The following ADCY6 variants were observed in gnomAD, a reference collection of about 807,000 sequenced individuals.
ADCY6 encodes the protein adenylate cyclase 6, also known as adenylate cyclase type 6.
ADCY6 carries 59 observed loss-of-function variants against 111.6 expected under a neutral mutation model. The observed-to-expected ratio is 0.53, with a 90% CI of 0.43 to 0.66. The LOEUF (loss-of-function observed/expected upper bound fraction) is 0.66. Ranked by LOEUF, ADCY6 falls within the 30% of genes least tolerant of loss-of-function variation. The probability of loss-of-function intolerance (pLI) is 0.00; values close to 1 mark genes in which losing one functional copy is unlikely to be tolerated. For synonymous variants in ADCY6, 576 were observed against 642.9 expected (o/e 0.90, Z 1.57); for missense variants, 1,242 against 1,595.6 (o/e 0.78, Z 3.78).
chr12:48,779,998 C>G (rs1941801253), intron 2 of ADCY6, among the ~76,000 whole-genome samples: 1 of 152,140 alleles, frequency 6.6e-6, no homozygotes. Flanking sequence ...GGCTGAGCTC[C>G]CCCTCCCAGC....
chr12:48,777,572 C>T lies in ADCY6; in HGVS notation c.1136+43G>A, dbSNP rs190715081. 1.2e-6 allele frequency: 2 copies of T among 1,612,800 alleles called. No homozygotes were observed. Among genetic ancestry groups the T allele is most frequent in the East Asian group, 2.2e-5 (1 of 44,884 alleles). On this transcript the variant is annotated intron_variant, in intron 4 of 21. Transcript: ENST00000357869. The surrounding 1 kb of genome is among the most constrained non-coding windows in gnomAD (Gnocchi z 4.9). ...AGAACACATAGCCCTCAAAGACTTCCAGACCCCCCGCCCTGCTGGGCATCC... is the reference window on the plus strand; with the variant it reads ...AGAACACATAGCCCTCAAAGACTTCTAGACCCCCCGCCCTGCTGGGCATCC...
chr12:48,774,407 T>G lies in ADCY6; in HGVS notation c.2278A>C (p.Asn760His). The G allele has an allele frequency of 6.2e-7, 1 of 1,612,574 alleles. No individual in the cohort carries two copies. Among genetic ancestry groups the G allele is most frequent in the Non-Finnish European group, 8.5e-7 (1 of 1,178,736 alleles). The change falls in exon 14 of 22, where the codon AAC (asparagine) becomes CAC (histidine). Residue 760 changes from asparagine to histidine, a missense_variant. Physicochemically the swap from Asn to His is moderately conservative, Grantham distance 68. Around this residue, in one of 4 missense-constraint regions of ADCY6, gnomAD observed 375 missense variants for 432.5 expected, o/e 0.87. Coordinates refer to ENST00000357869, the MANE Select transcript of ADCY6 (RefSeq NM_015270.5). Reference sequence around the variant, plus strand: ...AATTCCCACTGGACCCTTACCATGTTGGCAATGGCAGAAGTAAACACAAGC... The same window carrying G: ...AATTCCCACTGGACCCTTACCATGTGGGCAATGGCAGAAGTAAACACAAGC... ...VLLVFTSAIA[N>H]MFTCNHTPIR...
rs1941655722 is a variant in ADCY6 at position 48,774,988 on chromosome 12, T to A, written c.2047A>T (p.Ile683Phe). 1 of 1,557,556 alleles carries A rather than the reference T, an allele frequency of 6.4e-7. No individual in the cohort carries two copies. Among genetic ancestry groups the A allele is most frequent in the Non-Finnish European group, 8.7e-7 (1 of 1,150,420 alleles). Residue 683 changes from isoleucine to phenylalanine, a missense_variant, in exon 12 of 22, where the codon ATC becomes TTC. Coordinates refer to ENST00000357869, the MANE Select transcript of ADCY6 (RefSeq NM_015270.5). ...AAGATGAGAAGCTGGATGAAGCAGA[T>A]GAAGCAGAAGACCAACAGGGCACAG... ...VACALLVFCF[I>F]CFIQLLIFPH...
rs761918018 is a variant in ADCY6 at position 48,771,994 on chromosome 12, A to T, written c.2788-21T>A. 8 of 1,590,990 alleles carry T rather than the reference A, an allele frequency of 5.0e-6. No homozygotes were observed. Among genetic ancestry groups the T allele is most frequent in the Non-Finnish European group, 8.6e-7 (1 of 1,167,704 alleles). ...GTTGCCTGTGGACACCACACCCATC[A>T]CCCATTGCCCGACATTCACAAGGGG... is the stretch of plus-strand genomic sequence containing the variant. On this transcript the variant is annotated intron_variant, in intron 18 of 21. Transcript: ENST00000357869. This position sits in a 1 kb window ranked among gnomAD's most constrained non-coding sequence, Gnocchi z 4.3.
chr12:48,788,024 AACG>A (rs1183888649), intron 1 of ADCY6, among the ~76,000 whole-genome samples: 5 of 151,910 alleles, frequency 3.3e-5, no homozygotes, highest in African/African-American at 7.3e-5. Context: ...GGGGATTAAA[AACG>A]ACTTCAGAAA....
chr12:48,781,595 C>T (rs1460920112), intron 2 of ADCY6, among the ~76,000 whole-genome samples: 1 of 152,172 alleles, frequency 6.6e-6, no homozygotes, highest in Non-Finnish European at 1.5e-5. Flanking sequence ...ACCTCCCTGC[C>T]CCCAGGTGTG....
chr12:48,772,048 C>T (rs777470134), intron 18 of ADCY6, 75 bp from the exon 19 acceptor site: 38 of 1,530,344 alleles, frequency 2.5e-5, no homozygotes, highest in East Asian at 2.0e-4. Flanking sequence ...CTTGGAAGTG[C>T]GGATAAGAGG....
In ADCY6 at chr12:48,771,965, C is replaced by T. The variant is rs147278695; in HGVS notation, c.2796G>A (p.Gly932=). 48 of 1,609,180 alleles carry T rather than the reference C, an allele frequency of 3.0e-5. No homozygotes were observed. Among genetic ancestry groups the T allele is most frequent in the Non-Finnish European group, 4.0e-5 (47 of 1,177,192 alleles). The part of the protein sequence containing the change: ...LDFLWKLQAT[G]EKEEMEELQA... ...GTAGCTCCTCCATCTCCTCCTTCTC[C>T]CCTGTTGCCTGTGGACACCACACCC... The change falls in exon 19 of 22, where the codon GGG becomes GGA. Residue 932 remains glycine, a synonymous_variant. Transcript: ENST00000357869. The surrounding 1 kb of genome is among the most constrained non-coding windows in gnomAD (Gnocchi z 4.3).
intron 1 of ADCY6, among the ~76,000 whole-genome samples, chr12:48,784,668 T>TTTTTG (rs1941944125): frequency 1.5e-5 from 2 of 132,508 alleles, no homozygotes; most frequent in African/African-American, 2.9e-5. Context: ...ATCTGGAGTT[T>TTTTTG]TTTTTTTTTT....
chr12:48,786,965 TG>T (rs1941989503), intron 1 of ADCY6, among the ~76,000 whole-genome samples: 1 of 152,220 alleles, frequency 6.6e-6, no homozygotes, highest in African/African-American at 2.4e-5. Context: ...AGTACACACT[TG>T]AAAAATATTA....
rs752755534 is a variant in ADCY6 at position 48,776,450 on chromosome 12, T to A, written c.1513A>T (p.Met505Leu). ...CACCCAGCCCGGCCTCCTGCCTCCA[T>A]GTGGTTGGCCAGGGTCACATCATTG... is the stretch of plus-strand genomic sequence containing the variant. ...WSNDVTLANH[M>L]EAGGRAGRIH... The change falls in exon 7 of 22, where the codon ATG becomes TTG. Residue 505 changes from methionine (M) to leucine (L), a missense_variant. By Grantham distance (15) the Met-to-Leu change is conservative. Transcript: ENST00000357869. This position sits in a 1 kb window ranked among gnomAD's most constrained non-coding sequence, Gnocchi z 6.1. 6.4e-7 allele frequency: 1 copy of A among 1,571,816 alleles called. No individual in the cohort carries two copies. The highest frequency in any genetic ancestry group is 8.6e-7 in the Non-Finnish European group (1 of 1,158,908).
At position 48,776,076 on chromosome 12, in the gene ADCY6, T is replaced by C. The variant is rs1941692287; in HGVS notation, c.1693A>G (p.Met565Val). 2 of 1,613,776 alleles carry C rather than the reference T, an allele frequency of 1.2e-6. No homozygotes were observed. Among genetic ancestry groups the C allele is most frequent in the African/African-American group, 1.3e-5 (1 of 75,042 alleles). Residue 565 changes from methionine to valine, a missense_variant, in exon 9 of 22, where the codon ATG (methionine) becomes GTG (valine). Met to Val is a conservative substitution (Grantham distance 21). Coordinates refer to ENST00000357869, the MANE Select transcript of ADCY6 (RefSeq NM_015270.5). The surrounding 1 kb of genome is among the most constrained non-coding windows in gnomAD (Gnocchi z 6.1). ...ASQKRKEEKA[M>V]LAKLQRTRAN... ...CGAGTCCGCTGCAGCTTGGCCAGCA[T>C]GGCCTTCTCCTCTTTCTGTGCGGGC...
At position 48,767,189 on chromosome 12, in the gene ADCY6, C is replaced by T. The variant is rs545854465; in HGVS notation, c.*1402G>A. 7.2e-5 allele frequency: 11 copies of T among 152,868 alleles called. No homozygotes were observed. The highest frequency in any genetic ancestry group is 2.6e-4 in the African/African-American group (11 of 41,582). 9.5% of individuals were successfully genotyped at this position (152,868 alleles called of 1,614,324 possible). A position where few individuals can be genotyped will look rare whatever the true frequency, so the allele number is the denominator to read the frequency against. On this transcript the variant is annotated 3_prime_UTR_variant, in exon 22 of 22. Transcript: ENST00000357869. Reference sequence around the variant, plus strand: ...TGGGGAAGCCAGGAAATTCCTCAGCCTCTGTCCATCAAACCCCAGACAGTT... The same window carrying T: ...TGGGGAAGCCAGGAAATTCCTCAGCTTCTGTCCATCAAACCCCAGACAGTT...
chr12:48,785,611 C>G (rs910221621), intron 1 of ADCY6, among the ~76,000 whole-genome samples: 1 of 152,150 alleles, frequency 6.6e-6, no homozygotes, highest in Admixed American at 6.5e-5. Flanking sequence ...AAGAGCGAAA[C>G]TCCATCTCAA....
Position 48,771,849 on chromosome 12 carries a change from T to A in ADCY6, c.2912A>T (p.Tyr971Phe), listed in dbSNP as rs563955257. The A allele has an allele frequency of 1.9e-6, 3 of 1,614,118 alleles. No homozygotes were observed. In the African/African-American group the frequency reaches 4.0e-5, roughly 22 times the overall value. The change falls in exon 19 of 22, where the codon TAC becomes TTC. Residue 971 changes from tyrosine (Y) to phenylalanine (F), a missense_variant. Tyr to Phe is a conservative substitution (Grantham distance 22). This residue lies in a region of ADCY6 where 245 missense variants were observed against 371.3 expected (regional missense o/e 0.66). Transcript: ENST00000357869. This position sits in a 1 kb window ranked among gnomAD's most constrained non-coding sequence, Gnocchi z 4.3. The stretch of plus-strand genomic sequence containing the variant: ...AGCCACACACTCACACGACTGATAG[T>A]AGAGTTCATCATTGCGGCGCTCCCG... ...LARERRNDELYYQSCECVAVM... is the reference protein window; with the variant it reads ...LARERRNDELFYQSCECVAVM...
At position 48,775,663 on chromosome 12, in the gene ADCY6, CCTGA is replaced by C; in HGVS notation, c.1832+6_1832+9del. On this transcript the variant is annotated splice_donor_region_variant and intron_variant, in intron 10 of 21. Transcript: ENST00000357869. ...CAAGTGCCTTCTCCCTCCTCAGTAA[CCTGA>C]CTTACTTGTCTTTGCTGGAATCATC... 6.2e-7 allele frequency: 1 copy of C among 1,612,636 alleles called. No individual in the cohort carries two copies. The highest frequency in any genetic ancestry group is 8.5e-7 in the Non-Finnish European group (1 of 1,178,750).
In ADCY6 at chr12:48,771,671, C is replaced by T. The variant is rs1483741939; in HGVS notation, c.3051+39G>A. ...ATTCCAATCCCTGGTCTCCAAGTAC[C>T]CCCCACTCTCTGCCACCACCAGCCA... On this transcript the variant is annotated intron_variant, in intron 19 of 21. Transcript: ENST00000357869. This position sits in a 1 kb window ranked among gnomAD's most constrained non-coding sequence, Gnocchi z 4.3. 1.2e-6 allele frequency: 2 copies of T among 1,612,238 alleles called. No homozygotes were observed. The highest frequency in any genetic ancestry group is 2.2e-5 in the East Asian group (1 of 44,880).
intron 20 of ADCY6, among the ~76,000 whole-genome samples, chr12:48,769,793 G>A (rs866362452): frequency 6.4e-5 from 9 of 140,210 alleles, no homozygotes; most frequent in Non-Finnish European, 9.1e-5. Flanking sequence ...ACAGAGTCTC[G>A]CTCTGTCACC....
At chr12:48,788,379 T>C (rs1942020455) in intron 1 of ADCY6, among the ~76,000 whole-genome samples, 1 of 152,136 alleles carries the variant, frequency 6.6e-6, no homozygotes, top group South Asian at 2.1e-4. Context: ...AGAGTCTGCT[T>C]TGAATAAAGT....
Sources: gnomAD v4.1 joint callset for allele counts (sites outside exome capture counted in the v4.1 genomes callset) on GRCh38, gnomAD v4.1.1 for gene constraint, gnomAD v4.1.1 regional missense constraint, Gnocchi (gnomAD v3.1) non-coding constraint, MANE v1.5 for transcripts, NCBI Gene and HGNC (gene_info 2026-07-23, HGNC 2026-07-21) for gene names.